RBL1: variants seen among roughly 807,000 people sequenced by gnomAD.
The protein encoded by RBL1 is retinoblastoma-like protein 1.
A neutral mutation model predicts 123.0 loss-of-function variants in RBL1; 82 were observed. The ratio of observed to expected loss-of-function variants is 0.67; its 90% CI spans 0.56 to 0.80. The LOEUF is 0.80. Ranked by LOEUF, RBL1 falls within the 30% of genes least tolerant of loss-of-function variation. The pLI is 0.00. For synonymous variants in RBL1, 405 were observed against 441.3 expected (o/e 0.92, Z 1.03); for missense variants, 1,171 against 1,299.6 (o/e 0.90, Z 1.52).
At chr20:37,033,185 ATTTT>A (rs1157688842) in intron 15 of RBL1, among the ~76,000 whole-genome samples, 2 of 123,288 alleles carry the variant, frequency 1.6e-5, no homozygotes, top group Non-Finnish European at 1.7e-5. Flanking sequence ...TGCCTGGTAA[ATTTT>A]TTTTTTTTTT....
chr20:37,008,968 T>G (rs188159874), intron 19 of RBL1, among the ~76,000 whole-genome samples: 11 of 152,220 alleles, frequency 7.2e-5, no homozygotes, highest in African/African-American at 2.2e-4. Context: ...ATAACTCTCA[T>G]GTTCACTTTA....
At chr20:37,031,003 G>GTGACTGCA (rs1432553876) in intron 16 of RBL1, among the ~76,000 whole-genome samples, 1 of 151,992 alleles carries the variant, frequency 6.6e-6, no homozygotes, top group Non-Finnish European at 1.5e-5. Context: ...CTGTGACTGC[G>GTGACTGCA]TGACTGCACT....
chr20:37,050,996 ATTCTT>A (rs2064901524), intron 11 of RBL1, among the ~76,000 whole-genome samples: 1 of 152,064 alleles, frequency 6.6e-6, no homozygotes, highest in Non-Finnish European at 1.5e-5. Context: ...TCAATCTAGA[ATTCTT>A]TTCTTTTTTT....
chr20:37,014,430 C>A (rs2064217334), intron 19 of RBL1, among the ~76,000 whole-genome samples: 1 of 152,074 alleles, frequency 6.6e-6, no homozygotes, highest in East Asian at 1.9e-4. Flanking sequence ...TTCTCCCTGC[C>A]CTGTGCCACC....
At chr20:37,086,314 C>T (rs1186368138) in intron 2 of RBL1, among the ~76,000 whole-genome samples, 6 of 151,956 alleles carry the variant, frequency 3.9e-5, no homozygotes, top group South Asian at 2.1e-4. Flanking sequence ...AGGCTGGACA[C>T]GGTGGCTTAC....
rs1568873957 is a variant in RBL1, at chr20:37,066,708, A to T, written c.846+16T>A. On this transcript the variant is annotated intron_variant, in intron 6 of 21. Coordinates refer to ENST00000373664, the MANE Select transcript of RBL1 (RefSeq NM_002895.5). ...GATCTGTAAACATCTCAGTCATCTA[A>T]TTATAAGTACAGTACCTTCCTGTCA... The T allele has an allele frequency of 3.1e-6, 5 of 1,595,882 alleles. No individual in the cohort carries two copies. The highest frequency in any genetic ancestry group is 4.3e-6 in the Non-Finnish European group (5 of 1,169,254).
chr20:37,047,059 A>G lies in RBL1; in HGVS notation c.1599T>C (p.Phe533=). Residue 533 remains phenylalanine (F), a synonymous_variant, in exon 12 of 22, where the codon TTT becomes TTC. Transcript: ENST00000373664. ...AACTTTGTTTTCATCTCACCTTATA[A>G]AAGTAAAATGGTTGCAAGTTGAGAA... ...IEVLNLQPFY[F]YKVIEVVIRS... is the part of the protein sequence containing the mutation. 1 of 1,582,678 alleles carries G rather than the reference A, an allele frequency of 6.3e-7. No individual in the cohort carries two copies. The highest frequency in any genetic ancestry group is 8.5e-7 in the Non-Finnish European group (1 of 1,172,902).
At chr20:37,065,611 G>A in intron 6 of RBL1, 138 bp from the exon 7 acceptor site, 2 of 559,222 alleles carry the variant, frequency 3.6e-6, no homozygotes, top group Non-Finnish European at 5.9e-6. Flanking sequence ...TTCAGACTAG[G>A]ATAAACTATT....
chr20:37,045,216 C>T (rs1257773997), intron 12 of RBL1, among the ~76,000 whole-genome samples: 2 of 152,100 alleles, frequency 1.3e-5, no homozygotes, highest in East Asian at 3.9e-4. Context: ...AAGCGATTCT[C>T]CTGCCTCAGC....
intron 9 of RBL1, among the ~76,000 whole-genome samples, chr20:37,060,143 G>T (rs1051767570): frequency 6.6e-6 from 1 of 151,848 alleles, no homozygotes; most frequent in African/African-American, 2.4e-5. Context: ...TTGCACTCCA[G>T]CCTGGGCAAC....
chr20:37,083,827 G>C (rs1039233335), intron 2 of RBL1, among the ~76,000 whole-genome samples: 3 of 151,210 alleles, frequency 2.0e-5, no homozygotes, highest in East Asian at 3.9e-4. Context: ...CATTTTGGGG[G>C]AAAGGGACTT....
intron 2 of RBL1, among the ~76,000 whole-genome samples, chr20:37,086,978 T>C (rs539138717): frequency 1.6e-4 from 25 of 152,334 alleles, no homozygotes; most frequent in East Asian, 5.8e-4. Flanking sequence ...CATCAGGGAA[T>C]GACTAACCTG....
chr20:37,010,760 ATGTG>A (rs374094594), intron 19 of RBL1, among the ~76,000 whole-genome samples: 215 of 143,034 alleles, frequency 1.5e-3, no homozygotes, highest in Admixed American at 6.3e-3. Flanking sequence ...GCACATGACT[ATGTG>A]TGTGTGTGTG....
chr20:37,020,248 C>T (rs556474958), intron 18 of RBL1, among the ~76,000 whole-genome samples: 1 of 152,004 alleles, frequency 6.6e-6, no homozygotes, highest in Non-Finnish European at 1.5e-5. Context: ...GACACCACGC[C>T]TGGCTAATTT....
chr20:37,058,115 T>TAAAAAAAAAAAAAAAAAAAAA (rs766773271), intron 9 of RBL1, among the ~76,000 whole-genome samples: 3 of 78,418 alleles, frequency 3.8e-5, no homozygotes, highest in Admixed American at 1.6e-4. Flanking sequence ...AAACTCTGTC[T>TAAAAAAAAAAAAAAAAAAAAA]AAAAAAAAAA....
intron 1 of RBL1, 45 bp downstream of exon 1, chr20:37,095,728 G>A (rs773257973): frequency 3.9e-5 from 59 of 1,510,480 alleles, no homozygotes; most frequent in Non-Finnish European, 5.1e-5. Flanking sequence ...CAGGGGTGGG[G>A]CCTGGCGAGG....
intron 13 of RBL1, among the ~76,000 whole-genome samples, chr20:37,043,182 ACAC>A (rs1035280533): frequency 6.6e-6 from 1 of 151,194 alleles, no homozygotes; most frequent in African/African-American, 2.4e-5. Context: ...ACACACACAC[ACAC>A]AATTAGCCGG....
At chr20:36,999,640 C>A (rs1209999296) in intron 21 of RBL1, among the ~76,000 whole-genome samples, 1 of 152,026 alleles carries the variant, frequency 6.6e-6, no homozygotes, top group East Asian at 1.9e-4. Flanking sequence ...TGCAGGCACG[C>A]GCCGCCACGC....
rs139292363 is a variant in RBL1 at position 37,032,752 on chromosome 20, C to A, written c.2295G>T (p.Gln765His). The A allele has an allele frequency of 3.7e-6, 6 of 1,613,924 alleles. No individual in the cohort carries two copies. The Admixed American group carries it at 6.7e-5, about 18-fold the overall frequency. The change falls in exon 16 of 22, where the codon CAG (glutamine) becomes CAT (histidine). Residue 765 changes from glutamine (Q) to histidine (H), a missense_variant. Physicochemically the swap from Gln to His is conservative, Grantham distance 24. Coordinates refer to ENST00000373664, the MANE Select transcript of RBL1 (RefSeq NM_002895.5). ...AHSLIGASPKQTNLTKAQEVH... is the reference protein window; with the variant it reads ...AHSLIGASPKHTNLTKAQEVH... ...CCTCTTGTGCTTTAGTCAGATTGGT[C>A]TGTTTTGGAGAAGCACCAATTAATG... is the stretch of plus-strand genomic sequence containing the variant.
Sources: gnomAD v4.1 joint callset for allele counts (sites outside exome capture counted in the v4.1 genomes callset) on GRCh38, gnomAD v4.1.1 for gene constraint, MANE v1.5 for transcripts, NCBI Gene and HGNC (gene_info 2026-07-23, HGNC 2026-07-21) for gene names.